The following SLC9A9 variants were observed in gnomAD, a reference collection of about 807,000 sequenced individuals.
SLC9A9 encodes sodium/hydrogen exchanger 9.
SLC9A9 carries 62 observed loss-of-function variants against 77.8 expected under a neutral mutation model. The observed-to-expected ratio is 0.80, with a 90% CI of 0.65 to 0.98. The LOEUF is 0.98. SLC9A9 is among the 50% of genes least tolerant of loss of function. The pLI is 0.00. For synonymous variants in SLC9A9, 320 were observed against 283.5 expected (o/e 1.13, Z -1.29); for missense variants, 775 against 774.9 (o/e 1.00, Z 0.00).
rs529033848 is a variant in SLC9A9 at position 143,415,408 on chromosome 3, G to A, written c.1470-33294C>T. ...GGACAGGCTGATTCTCTTGTGAGGG[G>A]CTAATGCAGCCAGTGTCTTTAAGTT... is the stretch of plus-strand genomic sequence containing the variant. On this transcript the variant is annotated intron_variant, in intron 12 of 15. Transcript: ENST00000316549. Among the ~76,000 whole-genome samples, 8 of 152,296 alleles carry A rather than the reference G, an allele frequency of 5.3e-5. No homozygotes were observed. In the South Asian group the frequency reaches 1.7e-3, roughly 32 times the overall value.
At chr3:143,368,604 C>G (rs774728885) in intron 13 of SLC9A9, among the ~76,000 whole-genome samples, 11 of 152,272 alleles carry the variant, frequency 7.2e-5, no homozygotes, top group Non-Finnish European at 1.3e-4. Flanking sequence ...GTTGCATCAA[C>G]TGATAACAAA....
intron 14 of SLC9A9, among the ~76,000 whole-genome samples, chr3:143,318,073 G>A (rs1384343501): frequency 6.6e-6 from 1 of 152,158 alleles, no homozygotes; most frequent in East Asian, 1.9e-4. Flanking sequence ...GGAGGCCTTT[G>A]CATCCCAATG....
At chr3:143,385,035 C>A (rs943853363) in intron 12 of SLC9A9, among the ~76,000 whole-genome samples, 4 of 152,170 alleles carry the variant, frequency 2.6e-5, no homozygotes, top group African/African-American at 9.7e-5. Context: ...AACTGGAGGA[C>A]TCAGCATTGC....
chr3:143,719,359 T>G (rs1164605690), intron 4 of SLC9A9, among the ~76,000 whole-genome samples: 1 of 151,384 alleles, frequency 6.6e-6, no homozygotes, highest in Non-Finnish European at 1.5e-5. Context: ...CAATTGTATA[T>G]TTAAACCCTG....
At chr3:143,418,295 C>A (rs1458667071) in intron 12 of SLC9A9, among the ~76,000 whole-genome samples, 2 of 150,854 alleles carry the variant, frequency 1.3e-5, no homozygotes, top group Non-Finnish European at 2.9e-5. Flanking sequence ...AATGTGGGGA[C>A]AGTAATATTA....
chr3:143,518,948 AG>A (rs2036249029), intron 9 of SLC9A9, among the ~76,000 whole-genome samples: 1 of 152,236 alleles, frequency 6.6e-6, no homozygotes, highest in East Asian at 1.9e-4. Context: ...TTCTACCTGT[AG>A]TATGTAAACA....
At chr3:143,422,863 T>C (rs542936545) in intron 12 of SLC9A9, among the ~76,000 whole-genome samples, 1 of 152,334 alleles carries the variant, frequency 6.6e-6, no homozygotes, top group Admixed American at 6.5e-5. Flanking sequence ...CTATACAGCC[T>C]TCTGAAACAG....
chr3:143,321,449 C>G (rs1372813991), intron 14 of SLC9A9, among the ~76,000 whole-genome samples: 1 of 152,162 alleles, frequency 6.6e-6, no homozygotes, highest in Non-Finnish European at 1.5e-5. Context: ...GTATGGCCAC[C>G]TGAGGTCCTT....
At chr3:143,589,294 T>C (rs556399242) in intron 6 of SLC9A9, among the ~76,000 whole-genome samples, 2 of 152,324 alleles carry the variant, frequency 1.3e-5, no homozygotes, top group East Asian at 3.9e-4. Flanking sequence ...ATGGCTTAGA[T>C]AGATTAAGTA....
chr3:143,395,338 G>A (rs1349626069), intron 12 of SLC9A9, among the ~76,000 whole-genome samples: 1 of 152,252 alleles, frequency 6.6e-6, no homozygotes, highest in African/African-American at 2.4e-5. Flanking sequence ...ACAAAAACAA[G>A]GAATGGGGAA....
chr3:143,559,731 C>T (rs1317866860), intron 8 of SLC9A9, among the ~76,000 whole-genome samples: 2 of 152,122 alleles, frequency 1.3e-5, no homozygotes, highest in Non-Finnish European at 2.9e-5. Context: ...TATATTGTTA[C>T]CATATCTTCT....
intron 12 of SLC9A9, among the ~76,000 whole-genome samples, chr3:143,452,298 CGAT>C (rs1372879379): frequency 6.6e-6 from 1 of 151,896 alleles, no homozygotes; most frequent in African/African-American, 2.4e-5. Context: ...ACAACAGTAT[CGAT>C]GAATATTCTT....
chr3:143,275,474 G>A (rs943653193), intron 14 of SLC9A9, among the ~76,000 whole-genome samples: 14 of 151,636 alleles, frequency 9.2e-5, no homozygotes, highest in African/African-American at 2.2e-4. Context: ...TCTTCTTTAG[G>A]GACTCCTATT....
chr3:143,737,661 T>C (rs769439478), intron 4 of SLC9A9, among the ~76,000 whole-genome samples: 9 of 152,236 alleles, frequency 5.9e-5, no homozygotes, highest in African/African-American at 9.6e-5. Context: ...TTTCTTCTAA[T>C]GTGCTATCCT....
At chr3:143,401,012 A>T (rs2033843445) in intron 12 of SLC9A9, among the ~76,000 whole-genome samples, 1 of 151,876 alleles carries the variant, frequency 6.6e-6, no homozygotes, top group African/African-American at 2.4e-5. Context: ...TGACTTTTTC[A>T]TTTTTCCCTC....
intron 14 of SLC9A9, among the ~76,000 whole-genome samples, chr3:143,306,345 G>A (rs991996230): frequency 6.6e-6 from 1 of 152,210 alleles, no homozygotes; most frequent in South Asian, 2.1e-4. Context: ...GCAGATGCCT[G>A]TACTGTGAAC....
At chr3:143,424,815 G>C (rs1211417830) in intron 12 of SLC9A9, among the ~76,000 whole-genome samples, 5 of 152,314 alleles carry the variant, frequency 3.3e-5, no homozygotes, top group Admixed American at 3.3e-4. Context: ...TTTAATTTTA[G>C]CTTTGCCACT....
intron 4 of SLC9A9, among the ~76,000 whole-genome samples, chr3:143,713,068 A>G (rs1343689039): frequency 1.3e-5 from 2 of 152,170 alleles, no homozygotes; most frequent in African/African-American, 4.8e-5. Flanking sequence ...GAAGTCACAA[A>G]TAGCTCAACA....
intron 4 of SLC9A9, among the ~76,000 whole-genome samples, chr3:143,743,229 GGATGGATGGATGGATAGATA>G (rs1486133944): frequency 1.5e-5 from 2 of 132,000 alleles, no homozygotes; most frequent in Non-Finnish European, 3.2e-5. Flanking sequence ...ATGGATGGAT[GGATGGATGGATGGATAGATA>G]GATAGATAGA....
Sources: gnomAD v4.1 joint callset for allele counts (sites outside exome capture counted in the v4.1 genomes callset) on GRCh38, gnomAD v4.1.1 for gene constraint, MANE v1.5 for transcripts, NCBI Gene and HGNC (gene_info 2026-07-23, HGNC 2026-07-21) for gene names.